GLIS3: variants seen among roughly 807,000 people sequenced by gnomAD.
GLIS3 encodes the protein GLIS family zinc finger 3.
Under a neutral mutation model 78.6 loss-of-function variants are expected in GLIS3, and 53 were observed. The observed-to-expected ratio is 0.67, with a 90% CI of 0.54 to 0.85. GLIS3 has a LOEUF of 0.85. Among genes scored for constraint, GLIS3 ranks in the 40% least tolerant of loss-of-function variants. The pLI, the probability that GLIS3 is intolerant of heterozygous loss-of-function variation, is 0.00. For missense variants in GLIS3, 1,703 were observed against 1,231.1 expected (o/e 1.38, Z -5.74); for synonymous variants, 684 against 509.9 (o/e 1.34, Z -4.60).
At chr9:3,950,965 T>C (rs72685664) in intron 4 of GLIS3, among the ~76,000 whole-genome samples, 6,561 of 152,292 alleles carry the variant, frequency 0.043, 209 homozygotes, top group Non-Finnish European at 0.068. Flanking sequence ...GTTCTAACAA[T>C]GGGGAATAAT....
chr9:4,077,598 A>G (rs540915106), intron 4 of GLIS3, among the ~76,000 whole-genome samples: 108 of 152,342 alleles, frequency 7.1e-4, no homozygotes, highest in African/African-American at 2.4e-3. Flanking sequence ...TCAGCTTAAG[A>G]AAATATCCTT....
At chr9:4,331,180 G>C (rs1198457912) in intron 2 of GLIS3, among the ~76,000 whole-genome samples, 1 of 152,180 alleles carries the variant, frequency 6.6e-6, no homozygotes, top group African/African-American at 2.4e-5. Flanking sequence ...GAAAGCTCTA[G>C]AGATGAATCC....
intron 8 of GLIS3, among the ~76,000 whole-genome samples, chr9:3,874,414 A>ATCCTTTATAATG (rs909489138): frequency 6.6e-6 from 1 of 152,172 alleles, no homozygotes. Flanking sequence ...TTTCATTGGT[A>ATCCTTTATAATG]TCCTTTATAA....
At chr9:4,224,067 A>C (rs1187190008) in intron 2 of GLIS3, among the ~76,000 whole-genome samples, 1 of 152,158 alleles carries the variant, frequency 6.6e-6, no homozygotes, top group Non-Finnish European at 1.5e-5. Flanking sequence ...GAAAGTGCCA[A>C]ATGGTATTTA....
intron 2 of GLIS3, among the ~76,000 whole-genome samples, chr9:4,276,381 G>C (rs868731819): frequency 3.4e-5 from 2 of 58,384 alleles, no homozygotes; most frequent in African/African-American, 1.3e-4. Context: ...CGGGAGGGGA[G>C]GTGAGGGGAG....
In GLIS3 at chr9:4,219,701, C is replaced by T. The variant is rs557277694; in HGVS notation, c.388+66337G>A. On this transcript the variant is annotated intron_variant, in intron 2 of 10. Transcript: ENST00000381971. ...TCTTTCAATGAAAAAAACATGAATACCTTTTTTTAAAAAACCCACAAATAG... is the reference window on the plus strand; with the variant it reads ...TCTTTCAATGAAAAAAACATGAATATCTTTTTTTAAAAAACCCACAAATAG... 2.0e-5 allele frequency among the ~76,000 whole-genome samples: 3 copies of T among 152,262 alleles called. No homozygotes were observed. The South Asian group carries it at 6.2e-4, about 32-fold the overall frequency.
chr9:4,258,989 A>G (rs1443451128), intron 2 of GLIS3, among the ~76,000 whole-genome samples: 1 of 152,024 alleles, frequency 6.6e-6, no homozygotes, highest in African/African-American at 2.4e-5. Flanking sequence ...CTAGCAAACC[A>G]TTTTACTCCA....
At chr9:4,268,602 G>C (rs1004392949) in intron 2 of GLIS3, among the ~76,000 whole-genome samples, 1 of 152,142 alleles carries the variant, frequency 6.6e-6, no homozygotes. Flanking sequence ...ATAAAAGGTA[G>C]GAAAGGTATT....
the GLIS3 span, among the ~76,000 whole-genome samples, chr9:4,469,539 G>A: frequency 6.6e-6 from 1 of 152,150 alleles, no homozygotes; most frequent in African/African-American, 2.4e-5. Flanking sequence ...AATGACTACT[G>A]GGTACAAAAC....
chr9:3,991,729 C>CT (rs1820278593), intron 4 of GLIS3, among the ~76,000 whole-genome samples: 1 of 138,312 alleles, frequency 7.2e-6, no homozygotes, highest in African/African-American at 2.8e-5. Flanking sequence ...CTCACTCTGT[C>CT]GCCCAGGCTG....
intron 4 of GLIS3, among the ~76,000 whole-genome samples, chr9:4,061,979 G>A (rs1225329968): frequency 6.6e-6 from 1 of 152,168 alleles, no homozygotes; most frequent in African/African-American, 2.4e-5. Flanking sequence ...TGGGGAAGGT[G>A]GCAGGACTCC....
rs186919911 is a variant in GLIS3 at position 4,261,028 on chromosome 9, C to G, written c.388+25010G>C. Among the ~76,000 whole-genome samples, 23 of 152,292 alleles carry G rather than the reference C, an allele frequency of 1.5e-4. No homozygotes were observed. The East Asian group carries it at 4.4e-3, about 29-fold the overall frequency. On this transcript the variant is annotated intron_variant, in intron 2 of 10. Coordinates refer to ENST00000381971, the MANE Select transcript of GLIS3 (RefSeq NM_001042413.2). ...TATATTTCTACAGGTCAACACTGCT[C>G]TAAAGACAATGTAGTACTAGAATTA...
At chr9:4,425,230 G>A in the GLIS3 span, among the ~76,000 whole-genome samples, 13 of 152,158 alleles carry the variant, frequency 8.5e-5, no homozygotes, top group Non-Finnish European at 1.5e-4. Flanking sequence ...CATGTTTAAG[G>A]CACTGCTGTC....
In GLIS3 at chr9:4,290,923, A is replaced by G. The variant is rs566198175; in HGVS notation, c.-98-4400T>C. On this transcript the variant is annotated intron_variant, in intron 1 of 10. Coordinates refer to ENST00000381971, the MANE Select transcript of GLIS3 (RefSeq NM_001042413.2). ...CCAAATTGAAACTGGAGGATACTAT[A>G]TTATGATATGATAACCCATAACAAG... Among the ~76,000 whole-genome samples the G allele has an allele frequency of 2.0e-5, 3 of 152,256 alleles. No homozygotes were observed. In the South Asian group the frequency reaches 6.2e-4, roughly 32 times the overall value.
At chr9:4,072,360 C>A (rs1827688047) in intron 4 of GLIS3, among the ~76,000 whole-genome samples, 1 of 152,146 alleles carries the variant, frequency 6.6e-6, no homozygotes, top group Admixed American at 6.6e-5. Flanking sequence ...CTATTAAGCC[C>A]TTAGTTGACA....
intron 1 of GLIS3, among the ~76,000 whole-genome samples, 189 bp downstream of exon 1, chr9:4,299,232 C>T (rs1431799137): frequency 3.3e-5 from 5 of 152,202 alleles, no homozygotes; most frequent in African/African-American, 1.2e-4. Flanking sequence ...GCAGGTCTCT[C>T]AGTGACCTGT....
chr9:4,436,913 T>C, the GLIS3 span, among the ~76,000 whole-genome samples: 11 of 149,740 alleles, frequency 7.3e-5, no homozygotes, highest in Admixed American at 2.0e-4. Flanking sequence ...ATCAGAATAA[T>C]GGAGAGAGAA....
At chr9:3,918,856 T>C (rs1588225190) in intron 6 of GLIS3, among the ~76,000 whole-genome samples, 1 of 152,206 alleles carries the variant, frequency 6.6e-6, no homozygotes, top group African/African-American at 2.4e-5. Context: ...TTTCAACCAA[T>C]TCAGCTAAAG....
At chr9:4,468,561 A>T in the GLIS3 span, among the ~76,000 whole-genome samples, 2 of 152,208 alleles carry the variant, frequency 1.3e-5, no homozygotes, top group Non-Finnish European at 2.9e-5. Flanking sequence ...GGAGAAATAA[A>T]ATACTTTACA....
Sources: gnomAD v4.1 joint callset for allele counts (sites outside exome capture counted in the v4.1 genomes callset) on GRCh38, gnomAD v4.1.1 for gene constraint, MANE v1.5 for transcripts, NCBI Gene and HGNC (gene_info 2026-07-23, HGNC 2026-07-21) for gene names.